Variants in PPME1 observed in about 807,000 individuals in gnomAD.
PPME1 encodes the protein testicular secretory protein Li 39.
In PPME1, 17 loss-of-function variants were observed where a neutral mutation model predicts 56.9. The ratio of observed to expected loss-of-function variants is 0.30; its 90% CI spans 0.20 to 0.45. The LOEUF is 0.45. PPME1 is among the 20% of genes least tolerant of loss of function. PPME1 has a pLI of 1.00. For synonymous variants in PPME1, 122 were observed against 156.2 expected, an observed-to-expected ratio of 0.78 and a Z score of 1.63; for missense variants, 357 against 483.2, an observed-to-expected ratio of 0.74 and a Z score of 2.45.
chr11:74,239,550 GTCTAC>G, intron 9 of PPME1, among the ~76,000 whole-genome samples: 1 of 148,938 alleles, frequency 6.7e-6, no homozygotes, highest in East Asian at 2.0e-4. Flanking sequence ...TTTCCTACCA[GTCTAC>G]TCTAAGCTCA....
intron 3 of PPME1, among the ~76,000 whole-genome samples, chr11:74,214,402 A>C (rs1158021354): frequency 1.3e-5 from 2 of 152,170 alleles, no homozygotes; most frequent in Non-Finnish European, 2.9e-5. Flanking sequence ...TGGCATAGAA[A>C]ATTTATTGAA....
chr11:74,203,797 A>C lies in PPME1; in HGVS notation c.171A>C (p.Glu57Asp), dbSNP rs928862604. ...SQYFESMEDV[E>D]VENETGKDTF... ...ATTTTGAGTCCATGGAAGATGTAGA[A>C]GTAGAGAATGAAACTGGCAAGGATA... Residue 57 changes from glutamate (E) to aspartate (D), a missense_variant, in exon 2 of 14, where the codon GAA (glutamate) becomes GAC (aspartate). Physicochemically the swap from Glu to Asp is conservative, Grantham distance 45. This residue lies in a region of PPME1 where 175 missense variants were observed against 189.4 expected (regional missense o/e 0.92). Transcript: ENST00000328257. 6.2e-6 allele frequency: 10 copies of C among 1,611,718 alleles called. No individual in the cohort carries two copies. In the African/African-American group the frequency reaches 1.3e-4, roughly 22 times the overall value.
intron 1 of PPME1, among the ~76,000 whole-genome samples, chr11:74,176,078 A>G (rs1401421790): frequency 6.6e-6 from 1 of 152,244 alleles, no homozygotes; most frequent in Non-Finnish European, 1.5e-5. Flanking sequence ...TGCTGTGAGA[A>G]TAAGATAATA....
At chr11:74,217,991 C>A (rs1450818938) in intron 3 of PPME1, among the ~76,000 whole-genome samples, 1 of 152,130 alleles carries the variant, frequency 6.6e-6, no homozygotes, top group East Asian at 1.9e-4. Flanking sequence ...AGTAAATTAT[C>A]CTGTTTTGCA....
At chr11:74,174,154 C>G (rs1857352276) in intron 1 of PPME1, among the ~76,000 whole-genome samples, 1 of 152,172 alleles carries the variant, frequency 6.6e-6, no homozygotes, top group Admixed American at 6.5e-5. Flanking sequence ...AGTTGAGGAA[C>G]CCAATATTCA....
At chr11:74,203,865 TTGTC>T (rs771656174) in intron 2 of PPME1, 44 bp downstream of exon 2, 1 of 1,385,030 alleles carries the variant, frequency 7.2e-7, no homozygotes, top group Admixed American at 2.0e-5. Context: ...GCTTATGATG[TTGTC>T]TAAGTTAAAA....
intron 1 of PPME1, among the ~76,000 whole-genome samples, chr11:74,200,364 TG>T: frequency 9.5e-6 from 1 of 105,578 alleles, no homozygotes; most frequent in Admixed American, 9.1e-5. Flanking sequence ...GTTTTGTGTG[TG>T]TGTGTGTGTG....
chr11:74,221,892 A>C (rs916831996), intron 3 of PPME1, among the ~76,000 whole-genome samples: 1 of 152,070 alleles, frequency 6.6e-6, no homozygotes, highest in Admixed American at 6.6e-5. Flanking sequence ...TCATGATTTG[A>C]TTGTCATGTT....
At chr11:74,172,442 G>GT (rs897771815) in intron 1 of PPME1, among the ~76,000 whole-genome samples, 9 of 152,206 alleles carry the variant, frequency 5.9e-5, no homozygotes, top group Non-Finnish European at 1.0e-4. Context: ...TGGGCAATCA[G>GT]TTTTTGCTGG....
intron 3 of PPME1, among the ~76,000 whole-genome samples, chr11:74,214,174 G>A (rs950713304): frequency 6.6e-6 from 1 of 152,116 alleles, no homozygotes; most frequent in African/African-American, 2.4e-5. Flanking sequence ...AAATTCTGGA[G>A]TTGAAAAATG....
In PPME1 at chr11:74,253,697, C is replaced by T; in HGVS notation, c.*187C>T. 1.5e-6 allele frequency: 1 copy of T among 672,716 alleles called. No individual in the cohort carries two copies. Among genetic ancestry groups the T allele is most frequent in the Non-Finnish European group, 2.6e-6 (1 of 386,660 alleles). 41.7% of individuals were successfully genotyped at this position (672,716 alleles called of 1,614,324 possible). On this transcript the variant is annotated 3_prime_UTR_variant, in exon 14 of 14. Coordinates refer to ENST00000328257, the MANE Select transcript of PPME1 (RefSeq NM_016147.3). ...GCCAAAAGCATTGTTTTCCAGGGCC[C>T]TTGACCAACATCGGCTTCCCCAGTC...
At chr11:74,188,346 C>G (rs750141318) in intron 1 of PPME1, among the ~76,000 whole-genome samples, 5 of 151,916 alleles carry the variant, frequency 3.3e-5, no homozygotes, top group South Asian at 4.2e-4. Context: ...GCCACCACAC[C>G]TGGCTAATTT....
At chr11:74,222,725 G>C in intron 4 of PPME1, 1 of 289,820 alleles carries the variant, frequency 3.5e-6, no homozygotes, top group Non-Finnish European at 6.9e-6. Context: ...TTGACCTCAA[G>C]TGATCCATCC....
At chr11:74,231,172 C>A (rs1467983823) in intron 7 of PPME1, among the ~76,000 whole-genome samples, 170 bp downstream of exon 7, 2 of 152,148 alleles carry the variant, frequency 1.3e-5, no homozygotes, top group Non-Finnish European at 2.9e-5. Context: ...ATCCTCCCAC[C>A]TCAGCCTCCC....
chr11:74,235,922 A>T lies in PPME1; in HGVS notation c.666A>T (p.Arg222=), dbSNP rs746733509. ...IEWSVKSGQI[R]NLESARVSMV... ...CCAGTGTGAAGAGTGGCCAGATTCGAAATCTGGAGTCTGCCCGTGTCTCAA... is the reference window on the plus strand; with the variant it reads ...CCAGTGTGAAGAGTGGCCAGATTCGTAATCTGGAGTCTGCCCGTGTCTCAA... The change falls in exon 8 of 14, where the codon CGA becomes CGT. Residue 222 remains arginine (R), a synonymous_variant. Transcript: ENST00000328257. The T allele has an allele frequency of 5.6e-6, 9 of 1,612,276 alleles. No individual in the cohort carries two copies. Among genetic ancestry groups the T allele is most frequent in the Non-Finnish European group, 6.8e-6 (8 of 1,179,304 alleles).
chr11:74,199,108 T>TGCCTGGGATAA (rs1242871644), intron 1 of PPME1, among the ~76,000 whole-genome samples: 3 of 152,228 alleles, frequency 2.0e-5, no homozygotes, highest in African/African-American at 7.2e-5. Flanking sequence ...GGTCCTTATC[T>TGCCTGGGATAA]GCCTGAAATG....
At chr11:74,204,146 A>ATGTT (rs113525320) in intron 2 of PPME1, among the ~76,000 whole-genome samples, 9 of 143,230 alleles carry the variant, frequency 6.3e-5, no homozygotes, top group African/African-American at 1.5e-4. Flanking sequence ...GGCAAAGGGA[A>ATGTT]TTTTTTTTTT....
intron 8 of PPME1, among the ~76,000 whole-genome samples, chr11:74,236,455 T>A (rs1202079032): frequency 6.6e-6 from 1 of 152,206 alleles, no homozygotes; most frequent in Non-Finnish European, 1.5e-5. Flanking sequence ...GGTATTGCTG[T>A]ATAGTCACAA....
intron 1 of PPME1, chr11:74,198,911 CACACATACAAATA>C (rs1288177734): frequency 6.6e-6 from 1 of 152,198 alleles, no homozygotes; most frequent in Non-Finnish European, 1.5e-5. Flanking sequence ...CAAAAAATCA[CACACATACAAATA>C]ACCGGAAAAA....
Sources: gnomAD v4.1 joint callset for allele counts (sites outside exome capture counted in the v4.1 genomes callset) on GRCh38, gnomAD v4.1.1 for gene constraint, gnomAD v4.1.1 regional missense constraint, MANE v1.5 for transcripts, NCBI Gene and HGNC (gene_info 2026-07-23, HGNC 2026-07-21) for gene names.